The following NRXN1 variants were observed in gnomAD, a reference collection of about 807,000 sequenced individuals.
NRXN1 encodes neurexin 1, also known as neurexin-1.
Under a neutral mutation model 150.9 loss-of-function variants are expected in NRXN1, and 39 were observed. The ratio of observed to expected loss-of-function variants is 0.26; its 90% CI spans 0.20 to 0.34. The LOEUF (loss-of-function observed/expected upper bound fraction) is 0.34. Among genes scored for constraint, NRXN1 ranks in the 10% least tolerant of loss-of-function variants. The pLI is 1.00. For missense variants in NRXN1, 1,815 were observed against 1,949.9 expected (o/e 0.93, Z 1.30); for synonymous variants, 924 against 757.0 (o/e 1.22, Z -3.62).
intron 2 of NRXN1, among the ~76,000 whole-genome samples, chr2:51,003,980 C>T (rs1700383612): frequency 6.6e-6 from 1 of 151,822 alleles, no homozygotes; most frequent in South Asian, 2.1e-4. Flanking sequence ...TCCCTTTCCT[C>T]CCAGAATGCC....
chr2:50,338,201 A>T (rs182487110), intron 17 of NRXN1, among the ~76,000 whole-genome samples: 15 of 152,248 alleles, frequency 9.9e-5, no homozygotes, highest in Non-Finnish European at 1.6e-4. Flanking sequence ...CATCCACGTG[A>T]CAAATGACTG....
At chr2:50,571,334 A>G (rs191022785) in intron 8 of NRXN1, among the ~76,000 whole-genome samples, 393 of 152,286 alleles carry the variant, frequency 2.6e-3, no homozygotes, top group African/African-American at 9.2e-3. Flanking sequence ...GAGTTTGAAG[A>G]ATTGTATTAA....
At position 50,038,017 on chromosome 2, in the gene NRXN1, C is replaced by T. The variant is rs565245033; in HGVS notation, c.4128+15254G>A. Among the ~76,000 whole-genome samples the T allele has an allele frequency of 2.0e-5, 3 of 152,012 alleles. No individual in the cohort carries two copies. The East Asian group carries it at 5.8e-4, about 29-fold the overall frequency. Reference sequence around the variant, plus strand: ...TACTTGAAATGTAGTGGGCATTCTACATTTCAAGAAAGAAAGAGGGTCGAT... The same window carrying T: ...TACTTGAAATGTAGTGGGCATTCTATATTTCAAGAAAGAAAGAGGGTCGAT... On this transcript the variant is annotated intron_variant, in intron 21 of 22. Transcript: ENST00000401669.
chr2:50,729,969 C>G (rs932522369), intron 5 of NRXN1, among the ~76,000 whole-genome samples: 2 of 152,184 alleles, frequency 1.3e-5, no homozygotes, highest in African/African-American at 2.4e-5. Flanking sequence ...GAGATTTCAT[C>G]CTTTCTAAAG....
chr2:50,904,482 C>T (rs914528336), intron 5 of NRXN1, among the ~76,000 whole-genome samples: 8 of 152,072 alleles, frequency 5.3e-5, no homozygotes, highest in East Asian at 3.9e-4. Context: ...GGAATGGGAC[C>T]GTGTGGAAAC....
chr2:50,867,599 G>A (rs932315711), intron 5 of NRXN1, among the ~76,000 whole-genome samples: 2 of 151,396 alleles, frequency 1.3e-5, no homozygotes, highest in African/African-American at 4.8e-5. Context: ...GGAGAGATAT[G>A]CCTTTACATG....
intron 9 of NRXN1, among the ~76,000 whole-genome samples, chr2:50,545,483 G>T (rs1170916462): frequency 6.6e-6 from 1 of 152,116 alleles, no homozygotes; most frequent in African/African-American, 2.4e-5. Context: ...TCCAGAGTCT[G>T]CCCCTTAGCT....
chr2:50,055,491 C>A (rs192826799), intron 19 of NRXN1, among the ~76,000 whole-genome samples: 4 of 152,206 alleles, frequency 2.6e-5, no homozygotes. Context: ...AACTTAATAC[C>A]ATATTTGGCA....
chr2:50,843,424 T>C (rs1673166316), intron 5 of NRXN1, among the ~76,000 whole-genome samples: 1 of 152,218 alleles, frequency 6.6e-6, no homozygotes, highest in Non-Finnish European at 1.5e-5. Flanking sequence ...AATGAGATAG[T>C]AATGGAGGAA....
intron 5 of NRXN1, among the ~76,000 whole-genome samples, chr2:50,841,545 T>C (rs548573401): frequency 6.6e-6 from 1 of 152,244 alleles, no homozygotes; most frequent in Non-Finnish European, 1.5e-5. Flanking sequence ...ATTTGCGTTA[T>C]GTAAATGACC....
intron 22 of NRXN1, among the ~76,000 whole-genome samples, chr2:49,924,760 T>A (rs1343970476): frequency 1.3e-5 from 2 of 152,166 alleles, no homozygotes; most frequent in African/African-American, 2.4e-5. Context: ...TTCTTAAAAA[T>A]ATAACCTAGA....
chr2:50,791,243 T>A (rs139059190), intron 5 of NRXN1, among the ~76,000 whole-genome samples: 1 of 147,256 alleles, frequency 6.8e-6, no homozygotes, highest in Non-Finnish European at 1.5e-5. Context: ...AACAGTGGAA[T>A]TGGAAATTGG....
intron 17 of NRXN1, among the ~76,000 whole-genome samples, chr2:50,247,221 G>C (rs1574717850): frequency 6.6e-6 from 1 of 151,970 alleles, no homozygotes; most frequent in African/African-American, 2.4e-5. Flanking sequence ...GTTATACCTG[G>C]GTAAGAAATA....
At chr2:50,067,828 A>C (rs1695588625) in intron 19 of NRXN1, among the ~76,000 whole-genome samples, 1 of 152,216 alleles carries the variant, frequency 6.6e-6, no homozygotes, top group Admixed American at 6.5e-5. Flanking sequence ...TAATGTCATA[A>C]CATTTAAACC....
chr2:50,649,366 T>C (rs1261138479), intron 5 of NRXN1, among the ~76,000 whole-genome samples: 3 of 151,990 alleles, frequency 2.0e-5, no homozygotes, highest in African/African-American at 7.2e-5. Context: ...CAGTTATCTA[T>C]AGACATTGTC....
intron 5 of NRXN1, among the ~76,000 whole-genome samples, chr2:50,767,409 C>T (rs1313731492): frequency 6.6e-6 from 1 of 151,590 alleles, no homozygotes; most frequent in Non-Finnish European, 1.5e-5. Flanking sequence ...CTAAAAATGC[C>T]CAGTATTTTG....
At chr2:50,551,074 AGAGGAGGAGGAG>A (rs1190766975) in intron 9 of NRXN1, among the ~76,000 whole-genome samples, 4 of 110,782 alleles carry the variant, frequency 3.6e-5, no homozygotes, top group Non-Finnish European at 5.5e-5. Context: ...AAGAAGAAGA[AGAGGAGGAGGAG>A]GAGGAGGAGG....
rs193160076 is a variant in NRXN1 at position 50,484,293 on chromosome 2, C to T, written c.3070+11612G>A. On this transcript the variant is annotated intron_variant, in intron 15 of 22. Coordinates refer to ENST00000401669, the MANE Select transcript of NRXN1 (RefSeq NM_001330078.2). ...TATTTTTTTTTCCAAAAAAGAATTC[C>T]TTCTGTGCTCGAAAGATGGAATATT... is the stretch of plus-strand genomic sequence containing the variant. 9.9e-4 allele frequency among the ~76,000 whole-genome samples: 151 copies of T among 152,138 alleles called. 6 individuals are homozygous for T. In the East Asian group the frequency reaches 0.027, roughly 27 times the overall value.
In NRXN1 at chr2:50,027,924, T is replaced by C. The variant is rs1283404584; in HGVS notation, c.4128+25347A>G. Reference sequence around the variant, plus strand: ...TGTAAATAAGCCCCGATTCCTATTATGTTGTGTTAGTTTTCTCTGGGCTAA... The same window carrying C: ...TGTAAATAAGCCCCGATTCCTATTACGTTGTGTTAGTTTTCTCTGGGCTAA... On this transcript the variant is annotated intron_variant, in intron 21 of 22. Coordinates refer to ENST00000401669, the MANE Select transcript of NRXN1 (RefSeq NM_001330078.2). Among the ~76,000 whole-genome samples, 11 of 152,206 alleles carry C rather than the reference T, an allele frequency of 7.2e-5. No individual in the cohort carries two copies. The East Asian group carries it at 1.3e-3, about 19-fold the overall frequency.
Sources: gnomAD v4.1 joint callset for allele counts (sites outside exome capture counted in the v4.1 genomes callset) on GRCh38, gnomAD v4.1.1 for gene constraint, MANE v1.5 for transcripts, NCBI Gene and HGNC (gene_info 2026-07-23, HGNC 2026-07-21) for gene names.